CSMD2: variants seen among roughly 807,000 people sequenced by gnomAD.
The protein encoded by CSMD2 is CUB and Sushi multiple domains 2, also known as CUB and sushi domain-containing protein 2.
A neutral mutation model predicts 398.5 loss-of-function variants in CSMD2; 130 were observed. The ratio of observed to expected loss-of-function variants is 0.33; its 90% CI spans 0.28 to 0.38. CSMD2 has a LOEUF of 0.38. CSMD2 is among the 10% of genes least tolerant of loss of function. CSMD2 has a pLI of 1.00. For missense variants in CSMD2, 3,829 were observed against 4,764.9 expected (o/e 0.80, Z 5.78); for synonymous variants, 1,828 against 1,908.5 (o/e 0.96, Z 1.10).
rs1471561378 is a variant in CSMD2, at chr1:33,864,516, G to A, written c.921-17520C>T. ...CCTACTCTTCTGCCAAGACCACTAT[G>A]CTCAGCTGAAGAGGGAGAACCCGAA... On this transcript the variant is annotated intron_variant, in intron 5 of 70. Transcript: ENST00000373381. 11 of 1,613,982 alleles carry A rather than the reference G, an allele frequency of 6.8e-6. No homozygotes were observed. Among genetic ancestry groups the A allele is most frequent in the Non-Finnish European group, 9.3e-6 (11 of 1,180,018 alleles).
At chr1:34,141,056 G>A (rs1639245485) in intron 1 of CSMD2, among the ~76,000 whole-genome samples, 1 of 151,934 alleles carries the variant, frequency 6.6e-6, no homozygotes, top group South Asian at 2.1e-4. Flanking sequence ...GGCTCTTCCT[G>A]GGATACATCC....
At chr1:34,131,563 G>A (rs1176460443) in intron 1 of CSMD2, among the ~76,000 whole-genome samples, 9 of 152,032 alleles carry the variant, frequency 5.9e-5, no homozygotes, top group Non-Finnish European at 5.9e-5. Flanking sequence ...TAGCTTGAGG[G>A]GGGCTTACTC....
intron 15 of CSMD2, among the ~76,000 whole-genome samples, chr1:33,727,747 G>C (rs1646584123): frequency 6.6e-6 from 1 of 152,146 alleles, no homozygotes; most frequent in African/African-American, 2.4e-5. Context: ...TAAATATGTA[G>C]CTTCAGTGGT....
At chr1:33,674,712 A>G (rs1420596022) in intron 25 of CSMD2, among the ~76,000 whole-genome samples, 1 of 152,236 alleles carries the variant, frequency 6.6e-6, no homozygotes, top group Non-Finnish European at 1.5e-5. Flanking sequence ...TTGGAAGTAA[A>G]GAACTCCTCA....
chr1:33,541,853 G>C (rs980700465), intron 58 of CSMD2, among the ~76,000 whole-genome samples: 1 of 152,196 alleles, frequency 6.6e-6, no homozygotes, highest in African/African-American at 2.4e-5. Flanking sequence ...TGAACCACAT[G>C]AGACAATTGA....
intron 53 of CSMD2, among the ~76,000 whole-genome samples, chr1:33,563,159 A>G (rs1255688542): frequency 6.6e-6 from 1 of 151,522 alleles, no homozygotes; most frequent in East Asian, 1.9e-4. Flanking sequence ...TGTATGACAC[A>G]TTCAATTCAT....
chr1:34,007,143 G>C (rs959313788), intron 3 of CSMD2, among the ~76,000 whole-genome samples: 2 of 152,118 alleles, frequency 1.3e-5, no homozygotes, highest in Non-Finnish European at 2.9e-5. Flanking sequence ...GCAGAGGACT[G>C]GCCCGCCTCG....
chr1:33,866,736 G>A (rs1471585808), intron 5 of CSMD2, among the ~76,000 whole-genome samples: 8 of 152,142 alleles, frequency 5.3e-5, no homozygotes, highest in Admixed American at 5.2e-4. Context: ...CTTACTATAA[G>A]GGTGCTGGCC....
At chr1:34,084,834 G>T (rs1372999390) in intron 2 of CSMD2, among the ~76,000 whole-genome samples, 1 of 152,064 alleles carries the variant, frequency 6.6e-6, no homozygotes, top group African/African-American at 2.4e-5. Context: ...ATTCCTCAGG[G>T]ATCTAGAACT....
intron 49 of CSMD2, among the ~76,000 whole-genome samples, chr1:33,576,833 T>C (rs1638279212): frequency 6.6e-6 from 1 of 152,110 alleles, no homozygotes; most frequent in African/African-American, 2.4e-5. Context: ...AGATTTTTAG[T>C]TTGAATGTAT....
chr1:33,874,231 A>G (rs1480766137), intron 5 of CSMD2, among the ~76,000 whole-genome samples: 1 of 152,246 alleles, frequency 6.6e-6, no homozygotes, highest in East Asian at 1.9e-4. Flanking sequence ...GAATGCCTAC[A>G]TCATACCTGG....
intron 13 of CSMD2, among the ~76,000 whole-genome samples, chr1:33,747,349 A>G (rs575423546): frequency 1.3e-5 from 2 of 152,386 alleles, no homozygotes; most frequent in African/African-American, 4.8e-5. Context: ...TCCAGATTCT[A>G]CTGACACAAA....
chr1:34,133,634 GA>G (rs936952014), intron 1 of CSMD2, among the ~76,000 whole-genome samples: 38 of 147,406 alleles, frequency 2.6e-4, no homozygotes, highest in Non-Finnish European at 4.1e-4. Flanking sequence ...CTGTCCAAAA[GA>G]AAAAAAAAAT....
intron 4 of CSMD2, among the ~76,000 whole-genome samples, chr1:33,922,166 T>C (rs550234003): frequency 3.9e-5 from 6 of 152,210 alleles, no homozygotes; most frequent in Admixed American, 3.3e-4. Context: ...GGGATACCTA[T>C]GGGCCTGGGA....
At chr1:33,886,742 C>T (rs1051346679) in intron 5 of CSMD2, among the ~76,000 whole-genome samples, 4 of 152,184 alleles carry the variant, frequency 2.6e-5, no homozygotes, top group African/African-American at 7.2e-5. Context: ...AGACAGGCCT[C>T]GGCTAAGGGA....
intron 44 of CSMD2, chr1:33,600,031 C>G: frequency 1.6e-6 from 1 of 626,678 alleles, no homozygotes; most frequent in East Asian, 2.7e-5. Context: ...TGCCCTATTT[C>G]TTCATTTGTA....
chr1:34,013,069 G>T (rs558945423), intron 3 of CSMD2, among the ~76,000 whole-genome samples: 1 of 152,328 alleles, frequency 6.6e-6, no homozygotes, highest in South Asian at 2.1e-4. Flanking sequence ...AGGTGTGAAC[G>T]CTAGCAAGCT....
chr1:34,098,328 G>C (rs1465726759), intron 1 of CSMD2, among the ~76,000 whole-genome samples: 1 of 143,170 alleles, frequency 7.0e-6, no homozygotes, highest in Non-Finnish European at 1.5e-5. Context: ...ACGAGTTAGT[G>C]GGTGCAGCAC....
chr1:33,983,174 C>G (rs567240957), intron 3 of CSMD2, among the ~76,000 whole-genome samples: 3 of 152,146 alleles, frequency 2.0e-5, no homozygotes, highest in Non-Finnish European at 4.4e-5. Flanking sequence ...AGACTGGAGG[C>G]AGGGAGCTGC....
Sources: allele counts gnomAD v4.1 joint callset (sites outside exome capture counted in the v4.1 genomes callset), GRCh38; gene constraint gnomAD v4.1.1; transcripts MANE v1.5; gene names NCBI Gene and HGNC (gene_info 2026-07-23, HGNC 2026-07-21).